Variants in ANKH observed in about 807,000 individuals in gnomAD.
The protein encoded by ANKH is ANKH inorganic pyrophosphate transport regulator.
In ANKH, 15 loss-of-function variants were observed where a neutral mutation model predicts 49.0. The observed-to-expected ratio is 0.31, with a 90% CI of 0.20 to 0.47. The LOEUF (loss-of-function observed/expected upper bound fraction) is 0.47, where lower values mean the gene tolerates loss of function less well. Ranked by LOEUF, ANKH falls within the 20% of genes least tolerant of loss-of-function variation. ANKH has a pLI of 1.00. For missense variants in ANKH, 429 were observed against 652.0 expected, an observed-to-expected ratio of 0.66 and a Z score of 3.72; for synonymous variants, 273 against 260.0, an observed-to-expected ratio of 1.05 and a Z score of -0.48.
intron 1 of ANKH, among the ~76,000 whole-genome samples, chr5:14,801,036 T>C (rs1455848908): frequency 6.6e-6 from 1 of 152,206 alleles, no homozygotes; most frequent in Non-Finnish European, 1.5e-5. Flanking sequence ...CAAACGTAAC[T>C]TTTATATGCA....
chr5:14,828,117 AATC>A (rs1262603723), intron 1 of ANKH, among the ~76,000 whole-genome samples: 2 of 152,226 alleles, frequency 1.3e-5, no homozygotes, highest in Non-Finnish European at 2.9e-5. Flanking sequence ...CAGAAAAAGA[AATC>A]ATGGTAATCT....
At chr5:14,862,352 T>C (rs1239476468) in intron 1 of ANKH, among the ~76,000 whole-genome samples, 2 of 152,252 alleles carry the variant, frequency 1.3e-5, no homozygotes, top group African/African-American at 4.8e-5. Context: ...ATGTTTTCAT[T>C]GTAATTTTAA....
intron 1 of ANKH, among the ~76,000 whole-genome samples, chr5:14,850,266 A>T (rs1288947663): frequency 6.6e-6 from 1 of 152,184 alleles, no homozygotes; most frequent in Non-Finnish European, 1.5e-5. Context: ...AAGGCTGCAC[A>T]TTCACGCATT....
At chr5:14,805,430 CAT>C (rs764517280) in intron 1 of ANKH, among the ~76,000 whole-genome samples, 115 of 119,434 alleles carry the variant, frequency 9.6e-4, no homozygotes, top group Admixed American at 3.1e-3. Flanking sequence ...ATCCTATAAA[CAT>C]ATATATGTGT....
chr5:14,743,573 C>T (rs774078441), intron 7 of ANKH, among the ~76,000 whole-genome samples: 24 of 152,184 alleles, frequency 1.6e-4, no homozygotes, highest in South Asian at 6.2e-4. Context: ...CTAGAACTCC[C>T]GGAAGGTATG....
intron 1 of ANKH, among the ~76,000 whole-genome samples, chr5:14,791,929 A>G (rs1740179805): frequency 6.6e-6 from 1 of 152,242 alleles, no homozygotes; most frequent in South Asian, 2.1e-4. Flanking sequence ...CATGGACCAC[A>G]CACAAGAGGT....
At chr5:14,720,013 A>T (rs575946268) in intron 8 of ANKH, among the ~76,000 whole-genome samples, 3 of 152,194 alleles carry the variant, frequency 2.0e-5, no homozygotes, top group Non-Finnish European at 4.4e-5. Flanking sequence ...AGAACAGAAC[A>T]CTAAAATTTT....
chr5:14,780,340 C>G (rs1561052088), intron 1 of ANKH, among the ~76,000 whole-genome samples: 1 of 152,174 alleles, frequency 6.6e-6, no homozygotes, highest in Non-Finnish European at 1.5e-5. Flanking sequence ...GTCAGGAGTT[C>G]AAGACCGGCC....
chr5:14,801,876 CAGAATAGAAAA>C (rs1168359437), intron 1 of ANKH, among the ~76,000 whole-genome samples: 1 of 152,170 alleles, frequency 6.6e-6, no homozygotes, highest in Admixed American at 6.5e-5. Context: ...TTTTTATAAA[CAGAATAGAAAA>C]ATGCCATCAT....
In ANKH at chr5:14,751,435, G is replaced by C. The variant is rs73048867; in HGVS notation, c.517-196C>G. Among the ~76,000 whole-genome samples, 502 of 152,324 alleles carry C rather than the reference G, an allele frequency of 3.3e-3. 4 individuals are homozygous for C. The highest frequency in any genetic ancestry group is 0.011 in the African/African-American group (465 of 41,564). On this transcript the variant is annotated intron_variant, in intron 4 of 11. Coordinates refer to ENST00000284268, the MANE Select transcript of ANKH (RefSeq NM_054027.6). ...ATGTGCAGATGTTTGGGATTCACTG[G>C]AGGAACATGGATCATTTTGTTATAC...
intron 1 of ANKH, among the ~76,000 whole-genome samples, chr5:14,814,439 G>GA (rs1740973864): frequency 6.6e-6 from 1 of 152,056 alleles, no homozygotes; most frequent in Non-Finnish European, 1.5e-5. Flanking sequence ...TGTCTCTACA[G>GA]AAAAAATGTT....
intron 1 of ANKH, among the ~76,000 whole-genome samples, chr5:14,853,064 G>A (rs1364990337): frequency 6.6e-6 from 1 of 152,096 alleles, no homozygotes. Flanking sequence ...TGCATCCAGA[G>A]GATGTTTTAG....
At chr5:14,866,106 A>G (rs1735636693) in intron 1 of ANKH, among the ~76,000 whole-genome samples, 1 of 152,230 alleles carries the variant, frequency 6.6e-6, no homozygotes, top group Non-Finnish European at 1.5e-5. Flanking sequence ...TCCCAGGTTC[A>G]AAAGATTCTC....
chr5:14,848,876 A>ACCCAC (rs1742045101), intron 1 of ANKH, among the ~76,000 whole-genome samples: 2 of 152,266 alleles, frequency 1.3e-5, no homozygotes, highest in Admixed American at 1.3e-4. Flanking sequence ...AAGAACAAAG[A>ACCCAC]CCCACCGGTA....
intron 1 of ANKH, among the ~76,000 whole-genome samples, chr5:14,772,975 A>G (rs1042699914): frequency 6.6e-6 from 1 of 152,214 alleles, no homozygotes; most frequent in African/African-American, 2.4e-5. Flanking sequence ...TCCAAGTGGG[A>G]CCACTGTGGT....
chr5:14,806,113 T>C (rs1276924690), intron 1 of ANKH, among the ~76,000 whole-genome samples: 2 of 152,186 alleles, frequency 1.3e-5, no homozygotes, highest in Non-Finnish European at 2.9e-5. Context: ...TTTCAATTCT[T>C]CCACCCTTCT....
chr5:14,767,594 A>G (rs1292063154), intron 2 of ANKH, among the ~76,000 whole-genome samples: 1 of 152,188 alleles, frequency 6.6e-6, no homozygotes, highest in African/African-American at 2.4e-5. Flanking sequence ...ATAACACGGG[A>G]TGCTTAGCTT....
intron 1 of ANKH, among the ~76,000 whole-genome samples, chr5:14,859,566 A>G (rs781453863): frequency 6.6e-6 from 1 of 152,232 alleles, no homozygotes; most frequent in Non-Finnish European, 1.5e-5. Context: ...ATATTTTGCA[A>G]TAAGAAAGAA....
At chr5:14,784,476 C>T (rs1223777985) in intron 1 of ANKH, among the ~76,000 whole-genome samples, 1 of 152,134 alleles carries the variant, frequency 6.6e-6, no homozygotes, top group Non-Finnish European at 1.5e-5. Flanking sequence ...TGCACGGCCT[C>T]ACACAGAAAT....
Sources: gnomAD v4.1 joint callset for allele counts (sites outside exome capture counted in the v4.1 genomes callset) on GRCh38, gnomAD v4.1.1 for gene constraint, MANE v1.5 for transcripts, NCBI Gene and HGNC (gene_info 2026-07-23, HGNC 2026-07-21) for gene names.